Variants in CYP2C18 observed in about 807,000 individuals in gnomAD.
The protein encoded by CYP2C18 is cytochrome P450 2C18.
CYP2C18 carries 38 observed loss-of-function variants against 41.3 expected under a neutral mutation model. The ratio of observed to expected loss-of-function variants is 0.92; its 90% CI spans 0.71 to 1.21. The LOEUF (loss-of-function observed/expected upper bound fraction) is 1.21. Ranked by LOEUF, CYP2C18 falls within the 50% of genes most tolerant of loss-of-function variation. The pLI is 0.00. For synonymous variants in CYP2C18, 236 were observed against 210.0 expected (o/e 1.12, Z -1.07); for missense variants, 635 against 591.4 (o/e 1.07, Z -0.77).
intron 6 of CYP2C18, among the ~76,000 whole-genome samples, chr10:94,724,018 A>AT (rs1163534798): frequency 6.6e-6 from 1 of 150,798 alleles, no homozygotes; most frequent in Non-Finnish European, 1.5e-5. Flanking sequence ...CATTAATTTG[A>AT]TTTTTTTCTT....
At chr10:94,714,405 G>C (rs1028699246) in intron 5 of CYP2C18, among the ~76,000 whole-genome samples, 1 of 152,184 alleles carries the variant, frequency 6.6e-6, no homozygotes, top group African/African-American at 2.4e-5. Context: ...TGGCTAGCCA[G>C]TTTTCCCAGT....
intron 4 of CYP2C18, among the ~76,000 whole-genome samples, chr10:94,702,055 A>T (rs1004638215): frequency 6.6e-6 from 1 of 152,198 alleles, no homozygotes; most frequent in Non-Finnish European, 1.5e-5. Flanking sequence ...AATGTTGAAT[A>T]GTGGCCCCCA....
chr10:94,694,307 A>G (rs1273929317), intron 3 of CYP2C18, among the ~76,000 whole-genome samples: 1 of 152,076 alleles, frequency 6.6e-6, no homozygotes, highest in Non-Finnish European at 1.5e-5. Context: ...TATTACTTTT[A>G]TTTTAGGCAA....
chr10:94,728,140 G>T (rs1043106829), intron 7 of CYP2C18, among the ~76,000 whole-genome samples: 13 of 151,738 alleles, frequency 8.6e-5, no homozygotes, highest in Admixed American at 8.5e-4. Context: ...GTTTTTTTTA[G>T]TTTGTTTCAC....
chr10:94,700,737 T>A (rs966590756), intron 4 of CYP2C18, among the ~76,000 whole-genome samples: 1 of 152,118 alleles, frequency 6.6e-6, no homozygotes, highest in African/African-American at 2.4e-5. Context: ...GACAAAAGGC[T>A]AATATCCAGA....
At chr10:94,695,243 T>C (rs1235288772) in intron 4 of CYP2C18, among the ~76,000 whole-genome samples, 166 bp downstream of exon 4, 1 of 152,154 alleles carries the variant, frequency 6.6e-6, no homozygotes, top group Non-Finnish European at 1.5e-5. Context: ...GCTGCACCCA[T>C]TAACCCGTCA....
chr10:94,708,834 G>A (rs1337364682), intron 5 of CYP2C18, among the ~76,000 whole-genome samples: 1 of 152,122 alleles, frequency 6.6e-6, no homozygotes, highest in African/African-American at 2.4e-5. Flanking sequence ...CACAGTATGT[G>A]GTCTTTGTTT....
chr10:94,691,027 A>C (rs915089730), intron 3 of CYP2C18, among the ~76,000 whole-genome samples: 3 of 152,216 alleles, frequency 2.0e-5, no homozygotes, highest in African/African-American at 4.8e-5. Flanking sequence ...GTATCTCAAA[A>C]TAATAAGAGC....
chr10:94,727,303 G>A (rs911390067), intron 7 of CYP2C18, among the ~76,000 whole-genome samples: 5 of 152,064 alleles, frequency 3.3e-5, no homozygotes, highest in African/African-American at 1.2e-4. Flanking sequence ...ATCATACTTT[G>A]TATAAATATT....
At chr10:94,723,672 A>G (rs1847685341) in intron 6 of CYP2C18, among the ~76,000 whole-genome samples, 1 of 152,126 alleles carries the variant, frequency 6.6e-6, no homozygotes, top group Non-Finnish European at 1.5e-5. Flanking sequence ...GGAAGTGTGA[A>G]TGTGTGTGCA....
Position 94,698,394 on chromosome 10 carries a change from G to T in CYP2C18, c.642+3317G>T, listed in dbSNP as rs11527883. On this transcript the variant is annotated intron_variant, in intron 4 of 8. Transcript: ENST00000285979. The stretch of plus-strand genomic sequence containing the variant: ...TCCTGAATGACTACTGGTACATAAT[G>T]AAATGAAGGCAGAAATAAAAATGTT... 9.9e-5 allele frequency among the ~76,000 whole-genome samples: 15 copies of T among 152,280 alleles called. No homozygotes were observed. In the East Asian group the frequency reaches 2.7e-3, roughly 27 times the overall value.
intron 3 of CYP2C18, among the ~76,000 whole-genome samples, chr10:94,693,539 G>A (rs1391534594): frequency 6.6e-6 from 1 of 152,130 alleles, no homozygotes; most frequent in Non-Finnish European, 1.5e-5. Context: ...CCAGAAACCA[G>A]ATTTTCACTA....
rs143860089 is a variant in CYP2C18, at chr10:94,716,616, T to C, written c.820-3780T>C. Among the ~76,000 whole-genome samples the C allele has an allele frequency of 2.7e-3, 409 of 152,326 alleles. 2 individuals are homozygous for C. Among genetic ancestry groups the C allele is most frequent in the African/African-American group, 9.2e-3 (383 of 41,578 alleles). On this transcript the variant is annotated intron_variant, in intron 5 of 8. Coordinates refer to ENST00000285979, the MANE Select transcript of CYP2C18 (RefSeq NM_000772.3). ...TTAATTCCAACTATGTGGTCAGTTT[T>C]GGAATACGTGCGATATGGTGCTGAG...
At chr10:94,715,491 T>A (rs542148057) in intron 5 of CYP2C18, among the ~76,000 whole-genome samples, 1 of 152,346 alleles carries the variant, frequency 6.6e-6, no homozygotes, top group African/African-American at 2.4e-5. Flanking sequence ...CATTTATTGA[T>A]TTGCATATAT....
chr10:94,707,096 T>C (rs1589799244), intron 5 of CYP2C18, 136 bp downstream of exon 5: 2 of 553,882 alleles, frequency 3.6e-6, no homozygotes, highest in East Asian at 6.6e-5. Context: ...TGAAGCACCA[T>C]GGAGAATTTA....
intron 1 of CYP2C18, among the ~76,000 whole-genome samples, chr10:94,687,464 C>A (rs1846908313): frequency 6.6e-6 from 1 of 152,144 alleles, no homozygotes; most frequent in African/African-American, 2.4e-5. Flanking sequence ...CTGTGGGACA[C>A]TGGCAGTGAA....
At chr10:94,699,273 T>A (rs990059133) in intron 4 of CYP2C18, among the ~76,000 whole-genome samples, 4 of 152,182 alleles carry the variant, frequency 2.6e-5, no homozygotes, top group Admixed American at 2.6e-4. Flanking sequence ...TCAAAAAGCT[T>A]ATCCACTATG....
chr10:94,691,126 C>T (rs898059727), intron 3 of CYP2C18, among the ~76,000 whole-genome samples: 14 of 152,120 alleles, frequency 9.2e-5, no homozygotes, highest in African/African-American at 3.4e-4. Flanking sequence ...ACAAGGATGC[C>T]CTCTCTCACC....
At chr10:94,697,382 G>A (rs1589795211) in intron 4 of CYP2C18, among the ~76,000 whole-genome samples, 1 of 152,124 alleles carries the variant, frequency 6.6e-6, no homozygotes, top group South Asian at 2.1e-4. Flanking sequence ...GCCAAACTAA[G>A]CTTCATAAGT....
Sources: allele counts gnomAD v4.1 joint callset (sites outside exome capture counted in the v4.1 genomes callset), GRCh38; gene constraint gnomAD v4.1.1; transcripts MANE v1.5; gene names NCBI Gene and HGNC (gene_info 2026-07-23, HGNC 2026-07-21).